SCG5: variants seen among roughly 807,000 people sequenced by gnomAD.
The protein encoded by SCG5 is neuroendocrine protein 7B2.
A neutral mutation model predicts 25.7 loss-of-function variants in SCG5; 18 were observed. The observed-to-expected ratio is 0.70, with a 90% CI of 0.48 to 1.04. The LOEUF is 1.04. Among genes scored for constraint, SCG5 ranks in the 50% least tolerant of loss-of-function variants. SCG5 has a pLI of 0.00. For synonymous variants in SCG5, 101 were observed against 91.7 expected (o/e 1.10, Z -0.58); for missense variants, 206 against 259.8 (o/e 0.79, Z 1.42).
At chr15:32,663,072 TA>T (rs2054259291) in intron 2 of SCG5, among the ~76,000 whole-genome samples, 2 of 55,266 alleles carry the variant, frequency 3.6e-5, no homozygotes, top group Admixed American at 1.7e-4. Context: ...TATATATATA[TA>T]TATATAATAT....
chr15:32,696,407 G>A (rs1030710122), intron 5 of SCG5, 107 bp from the exon 6 acceptor site: 55 of 776,150 alleles, frequency 7.1e-5, no homozygotes, highest in African/African-American at 1.6e-4. Flanking sequence ...GTGAGCCACC[G>A]CGCCCGGCCC....
chr15:32,691,566 C>G, intron 4 of SCG5, 144 bp from the exon 5 acceptor site: 1 of 695,066 alleles, frequency 1.4e-6, no homozygotes, highest in East Asian at 2.8e-5. Flanking sequence ...CTTTCTGACA[C>G]GACATTCCTT....
Position 32,688,833 on chromosome 15 carries a change from C to G in SCG5, c.490-2877C>G, listed in dbSNP as rs572392345. 2.0e-5 allele frequency among the ~76,000 whole-genome samples: 3 copies of G among 152,144 alleles called. No homozygotes were observed. The East Asian group carries it at 5.8e-4, about 29-fold the overall frequency. On this transcript the variant is annotated intron_variant, in intron 4 of 5. Coordinates refer to ENST00000300175, the MANE Select transcript of SCG5 (RefSeq NM_001144757.3). ...AATTAGCCGGGCGCGGTGGCGGGTG[C>G]CTGTAGTCCCAGCTACTTGGGAGGC... is the stretch of plus-strand genomic sequence containing the variant.
chr15:32,671,810 C>T (rs2054429928), intron 2 of SCG5, among the ~76,000 whole-genome samples: 1 of 152,036 alleles, frequency 6.6e-6, no homozygotes, highest in African/African-American at 2.4e-5. Context: ...CGGCCGGTGT[C>T]GCCTCAGGGA....
chr15:32,675,457 T>A (rs1490060140), intron 2 of SCG5, among the ~76,000 whole-genome samples: 2 of 152,252 alleles, frequency 1.3e-5, no homozygotes, highest in African/African-American at 4.8e-5. Flanking sequence ...CCTAGCTTTG[T>A]ACAATGGTCT....
chr15:32,682,765 C>T (rs867080941), intron 3 of SCG5, among the ~76,000 whole-genome samples: 20 of 152,334 alleles, frequency 1.3e-4, no homozygotes, highest in Middle Eastern at 6.8e-3. Context: ...CAACACAGCA[C>T]AGTTGAGCAA....
chr15:32,680,967 G>A (rs142361668), intron 3 of SCG5, among the ~76,000 whole-genome samples: 207 of 152,246 alleles, frequency 1.4e-3, no homozygotes, highest in African/African-American at 4.7e-3. Context: ...TAACCACTTC[G>A]TACCTCAATT....
Position 32,643,738 on chromosome 15 carries a change from A to G in SCG5, c.146A>G (p.Glu49Gly). The G allele has an allele frequency of 6.2e-7, 1 of 1,613,930 alleles. No homozygotes were observed. The highest frequency in any genetic ancestry group is 1.1e-5 in the South Asian group (1 of 91,070). ...DIQRLLHGVM[E>G]QLGIARPRVE... is the part of the protein sequence containing the mutation. Reference sequence around the variant, plus strand: ...CAGAGGCTGCTTCATGGTGTTATGGAGCAATTGGGCATTGCCAGGCCCCGA... The same window carrying G: ...CAGAGGCTGCTTCATGGTGTTATGGGGCAATTGGGCATTGCCAGGCCCCGA... The change falls in exon 2 of 6, where the codon GAG becomes GGG. Residue 49 changes from glutamate (E) to glycine (G), a missense_variant. Glu to Gly is a moderately conservative substitution (Grantham distance 98). Coordinates refer to ENST00000300175, the MANE Select transcript of SCG5 (RefSeq NM_001144757.3).
At chr15:32,655,289 C>G (rs1009402795) in intron 2 of SCG5, among the ~76,000 whole-genome samples, 1 of 151,026 alleles carries the variant, frequency 6.6e-6, no homozygotes, top group Admixed American at 6.6e-5. Flanking sequence ...GCCTGGGCAA[C>G]AGAGCGAGAC....
intron 2 of SCG5, among the ~76,000 whole-genome samples, chr15:32,671,995 A>G (rs2054434436): frequency 6.6e-6 from 1 of 152,228 alleles, no homozygotes; most frequent in Non-Finnish European, 1.5e-5. Context: ...GGGGAAACCA[A>G]AGGAGGCCAG....
intron 2 of SCG5, among the ~76,000 whole-genome samples, chr15:32,651,653 C>A (rs1403387289): frequency 6.6e-6 from 1 of 152,172 alleles, no homozygotes; most frequent in African/African-American, 2.4e-5. Context: ...CCCAATGGGC[C>A]CATGCCTTTG....
rs1555433850 is a variant in SCG5, at chr15:32,657,211, A to ATATATATATATATATATATATATATATG, written c.226+13394_226+13395insATATATATATATATATATATATATATGT. Among the ~76,000 whole-genome samples the ATATATATATATATATATATATATATATG allele has an allele frequency of 8.8e-5, 9 of 102,472 alleles. 1 individual carries two copies. The highest frequency in any genetic ancestry group is 2.7e-4 in the African/African-American group (8 of 29,352). 67.2% of individuals were successfully genotyped at this position (102,472 alleles called of 152,430 possible). Reference sequence around the variant, plus strand: ...CTTTCATCCTCCTGTATATATATATATGTATGTATTTCCAGGTGTAAGTGG... The same window carrying ATATATATATATATATATATATATATATG: ...CTTTCATCCTCCTGTATATATATATATATATATATATATATATATATATATATGTGTATGTATTTCCAGGTGTAAGTGG... On this transcript the variant is annotated intron_variant, in intron 2 of 5. Coordinates refer to ENST00000300175, the MANE Select transcript of SCG5 (RefSeq NM_001144757.3).
chr15:32,669,943 TAA>T, intron 2 of SCG5, among the ~76,000 whole-genome samples: 1 of 152,074 alleles, frequency 6.6e-6, no homozygotes, highest in African/African-American at 2.4e-5. Flanking sequence ...AAAAGTTAAC[TAA>T]AAAGCTTTTC....
At chr15:32,696,186 C>G (rs1024741080) in intron 5 of SCG5, among the ~76,000 whole-genome samples, 1 of 152,028 alleles carries the variant, frequency 6.6e-6, no homozygotes, top group Middle Eastern at 3.2e-3. Context: ...GGCATGACGT[C>G]TGCTCACTGC....
chr15:32,673,296 A>G (rs1037939825), intron 2 of SCG5, among the ~76,000 whole-genome samples: 26 of 152,242 alleles, frequency 1.7e-4, no homozygotes, highest in African/African-American at 6.0e-4. Context: ...AGCCACACCG[A>G]TGTCACAAAT....
At chr15:32,687,927 T>C (rs1325096764) in intron 4 of SCG5, among the ~76,000 whole-genome samples, 1 of 152,110 alleles carries the variant, frequency 6.6e-6, no homozygotes, top group African/African-American at 2.4e-5. Context: ...CAATAGTAAA[T>C]AGTAATATTT....
chr15:32,666,571 C>T (rs1049659847), intron 2 of SCG5: 1 of 152,188 alleles, frequency 6.6e-6, no homozygotes. Flanking sequence ...ATTATTATCA[C>T]CCCTGTTTTA....
chr15:32,654,271 G>A (rs891933944), intron 2 of SCG5, among the ~76,000 whole-genome samples: 3 of 152,190 alleles, frequency 2.0e-5, no homozygotes, highest in African/African-American at 4.8e-5. Flanking sequence ...GGCAGATTCC[G>A]TGCCTGGGGA....
intron 2 of SCG5, among the ~76,000 whole-genome samples, chr15:32,649,530 G>T (rs929022771): frequency 1.4e-4 from 22 of 152,204 alleles, no homozygotes; most frequent in African/African-American, 5.1e-4. Context: ...TAAACCAGCA[G>T]AGGGCCAACT....
Sources: gnomAD v4.1 joint callset for allele counts (sites outside exome capture counted in the v4.1 genomes callset) on GRCh38, gnomAD v4.1.1 for gene constraint, MANE v1.5 for transcripts, NCBI Gene and HGNC (gene_info 2026-07-23, HGNC 2026-07-21) for gene names.